Variants in AFF2 observed in about 807,000 individuals in gnomAD.
The protein encoded by AFF2 is AF4/FMR2 family member 2.
A neutral mutation model predicts 76.9 loss-of-function variants in AFF2; 14 were observed. The ratio of observed to expected loss-of-function variants is 0.18; its 90% CI spans 0.12 to 0.28. AFF2 has a LOEUF of 0.28. Among genes scored for constraint, AFF2 ranks in the 10% least tolerant of loss-of-function variants. AFF2 has a pLI of 1.00. For synonymous variants in AFF2, 398 were observed against 366.7 expected (o/e 1.09, Z -0.98); for missense variants, 868 against 1,001.1 (o/e 0.87, Z 1.79).
intron 1 of AFF2, among the ~76,000 whole-genome samples, chrX:148,608,877 C>T (rs1270398595): frequency 4.5e-5 from 5 of 111,620 alleles, no homozygotes; most frequent in Admixed American, 9.5e-5. Context: ...CATAGAAAGT[C>T]CTTGAGCCAA....
chrX:148,720,564 A>G (rs1557263704), intron 3 of AFF2, among the ~76,000 whole-genome samples: 1 of 111,534 alleles, frequency 9.0e-6, no homozygotes, highest in African/African-American at 3.3e-5. Context: ...AGAGCAACAC[A>G]TGTGCTATTC....
chrX:148,987,317 G>A, intron 19 of AFF2, 50 bp from the exon 20 acceptor site: 1 of 1,120,353 alleles, frequency 8.9e-7, no homozygotes, highest in Non-Finnish European at 1.2e-6. Context: ...GAACCCCACT[G>A]TCACTCTTTC....
chrX:148,697,309 C>G (rs1361406613), intron 3 of AFF2, among the ~76,000 whole-genome samples: 1 of 112,452 alleles, frequency 8.9e-6, no homozygotes, highest in Non-Finnish European at 1.9e-5. Context: ...TGTGATACCC[C>G]ATTTAAATAC....
At chrX:148,765,797 G>T (rs1473562637) in intron 3 of AFF2, among the ~76,000 whole-genome samples, 1 of 107,758 alleles carries the variant, frequency 9.3e-6, no homozygotes, top group Non-Finnish European at 1.9e-5. Flanking sequence ...CTGGTGTGCT[G>T]CACTCACTAA....
At chrX:148,862,227 T>C (rs2070855845) in intron 7 of AFF2, among the ~76,000 whole-genome samples, 1 of 110,800 alleles carries the variant, frequency 9.0e-6, no homozygotes, top group Admixed American at 9.6e-5. Context: ...TTCTGAATGC[T>C]AGTATTATTG....
chrX:148,987,577 C>T lies in AFF2; in HGVS notation c.3814+20C>T. On this transcript the variant is annotated intron_variant, in intron 20 of 20. Coordinates refer to ENST00000370460, the MANE Select transcript of AFF2 (RefSeq NM_002025.4). ...ACAAAGGTATGCTCATCTGTTCTACCCATATAGCTCACAGACCATGATGGA... is the reference window on the plus strand; with the variant it reads ...ACAAAGGTATGCTCATCTGTTCTACTCATATAGCTCACAGACCATGATGGA... The T allele has an allele frequency of 8.5e-7, 1 of 1,175,480 alleles. No individual in the cohort carries two copies. Among genetic ancestry groups the T allele is most frequent in the Non-Finnish European group, 1.2e-6 (1 of 867,435 alleles).
At chrX:148,630,593 C>A (rs1296027348) in intron 1 of AFF2, among the ~76,000 whole-genome samples, 12 of 111,350 alleles carry the variant, frequency 1.1e-4, no homozygotes, top group Non-Finnish European at 1.9e-5. Flanking sequence ...TTCTTTTGGG[C>A]ACTTCCCTCC....
At chrX:148,668,939 T>C (rs782590927) in intron 3 of AFF2, among the ~76,000 whole-genome samples, 1 of 112,326 alleles carries the variant, frequency 8.9e-6, no homozygotes, top group Non-Finnish European at 1.9e-5. Flanking sequence ...AAGCTGCAAA[T>C]TTTCCAAACT....
chrX:148,991,414 C>A lies in AFF2; in HGVS notation c.*82C>A. 1 of 990,126 alleles carries A rather than the reference C, an allele frequency of 1.0e-6. No homozygotes were observed. The highest frequency in any genetic ancestry group is 3.3e-5 in the South Asian group (1 of 30,022). The allele number at this position is 990,126 out of a possible 1,213,427, so 81.6% of individuals were successfully genotyped here. On this transcript the variant is annotated 3_prime_UTR_variant, in exon 21 of 21. Transcript: ENST00000370460. ...TGATGGTCACTGGTGGAACTCCACT[C>A]ACTGGGGAACGTTCTCTTTGGTTAT...
At chrX:148,885,034 T>C (rs1557278912) in intron 7 of AFF2, among the ~76,000 whole-genome samples, 1 of 111,629 alleles carries the variant, frequency 9.0e-6, no homozygotes, top group African/African-American at 3.3e-5. Context: ...AAGTTATATA[T>C]AATAAATAAA....
chrX:148,973,261 A>C (rs1437704107), intron 15 of AFF2, among the ~76,000 whole-genome samples: 1 of 111,458 alleles, frequency 9.0e-6, no homozygotes, highest in Non-Finnish European at 1.9e-5. Context: ...TGTGGGAGCT[A>C]TTTTGGGCAC....
intron 3 of AFF2, among the ~76,000 whole-genome samples, chrX:148,733,224 G>A (rs782350986): frequency 2.6e-4 from 29 of 111,526 alleles, no homozygotes; most frequent in South Asian, 1.1e-3. Flanking sequence ...GGCGTTATGT[G>A]TTAAGAACAT....
intron 1 of AFF2, among the ~76,000 whole-genome samples, chrX:148,574,790 C>T (rs1035615365): frequency 5.4e-5 from 6 of 111,369 alleles, no homozygotes; most frequent in Non-Finnish European, 1.1e-4. Context: ...CTTACCTTGT[C>T]GTTTAACTCT....
chrX:148,582,742 A>G (rs2053427628), intron 1 of AFF2, among the ~76,000 whole-genome samples: 1 of 112,186 alleles, frequency 8.9e-6, no homozygotes, highest in African/African-American at 3.2e-5. Flanking sequence ...ACTCCTAAGT[A>G]TATACCCAAG....
chrX:148,630,370 A>T (rs1262586700), intron 1 of AFF2, among the ~76,000 whole-genome samples: 1 of 111,993 alleles, frequency 8.9e-6, no homozygotes, highest in Non-Finnish European at 1.9e-5. Context: ...GATACCACAG[A>T]TAAACATTTG....
intron 9 of AFF2, among the ~76,000 whole-genome samples, chrX:148,928,014 G>A (rs73614009): frequency 0.092 from 10,200 of 111,071 alleles, 1,119 homozygotes; most frequent in African/African-American, 0.32. Flanking sequence ...TCTGTTTTTC[G>A]TAAGGTTCCC....
chrX:148,851,343 A>G (rs2070728757), intron 7 of AFF2, among the ~76,000 whole-genome samples: 1 of 112,596 alleles, frequency 8.9e-6, no homozygotes, highest in African/African-American at 3.2e-5. Flanking sequence ...AAAAAAGGAA[A>G]AGGTCTCAAA....
At chrX:148,587,052 G>A (rs923359489) in intron 1 of AFF2, among the ~76,000 whole-genome samples, 10 of 111,627 alleles carry the variant, frequency 9.0e-5, no homozygotes, top group Non-Finnish European at 1.5e-4. Flanking sequence ...AACAATTTAC[G>A]AGGTAAAAGT....
chrX:148,674,319 C>T (rs1265233435), intron 3 of AFF2, among the ~76,000 whole-genome samples: 3 of 112,241 alleles, frequency 2.7e-5, no homozygotes, highest in African/African-American at 9.7e-5. Flanking sequence ...TTGCTGACCC[C>T]TGGGCTAGAT....
Sources: gnomAD v4.1 joint callset for allele counts (sites outside exome capture counted in the v4.1 genomes callset) on GRCh38, gnomAD v4.1.1 for gene constraint, MANE v1.5 for transcripts, NCBI Gene and HGNC (gene_info 2026-07-23, HGNC 2026-07-21) for gene names.